JPH2: variants seen among roughly 807,000 people sequenced by gnomAD.
JPH2 encodes junctophilin 2, also known as junctophilin-2.
In JPH2, 38 loss-of-function variants were observed where a neutral mutation model predicts 55.9. The ratio of observed to expected loss-of-function variants is 0.68; its 90% confidence interval spans 0.52 to 0.89. JPH2 has a LOEUF of 0.89. Ranked by LOEUF, JPH2 falls within the 40% of genes least tolerant of loss-of-function variation. The pLI, the probability that JPH2 is intolerant of heterozygous loss-of-function variation, is 0.00. For synonymous variants in JPH2, 480 were observed against 472.4 expected (o/e 1.02, Z -0.21); for missense variants, 964 against 1,037.6 (o/e 0.93, Z 0.97).
At chr20:44,156,385 T>C (rs2072566706) in intron 2 of JPH2, among the ~76,000 whole-genome samples, 1 of 152,216 alleles carries the variant, frequency 6.6e-6, no homozygotes, top group African/African-American at 2.4e-5. Flanking sequence ...TAAAAAGTGC[T>C]CCCTTTTACT....
Position 44,159,633 on chromosome 20 carries a change from T to C in JPH2, c.1154A>G (p.Glu385Gly), listed in dbSNP as rs778090664. 2 of 1,603,994 alleles carry C rather than the reference T, an allele frequency of 1.2e-6. No individual in the cohort carries two copies. Among genetic ancestry groups the C allele is most frequent in the East Asian group, 4.5e-5 (2 of 44,852 alleles). Residue 385 changes from glutamate to glycine, a missense_variant, in exon 2 of 6, where the codon GAG (glutamate) becomes GGG (glycine). Glu to Gly is a moderately conservative substitution (Grantham distance 98, BLOSUM62 -2). Coordinates refer to ENST00000372980, the MANE Select transcript of JPH2 (RefSeq NM_020433.5). This position sits in a 1 kb window ranked among gnomAD's most constrained non-coding sequence, Gnocchi z 5.7. ...RAAAIARQKA[E>G]IAASRTSHAK... ...GCTGTCCTACCTGGAGGCGGCAATC[T>C]CGGCCTTCTGGCGCGCGATAGCAGC...
At chr20:44,162,788 A>ATG (rs2072623704) in intron 1 of JPH2, among the ~76,000 whole-genome samples, 2 of 40,624 alleles carry the variant, frequency 4.9e-5, no homozygotes, top group South Asian at 2.1e-3. Flanking sequence ...ATATATATAT[A>ATG]CACACACACA....
Position 44,159,603 on chromosome 20 carries a change from CCACCG to C in JPH2, c.1169+10_1169+14del. 3.1e-6 allele frequency: 5 copies of C among 1,595,622 alleles called. No individual in the cohort carries two copies. Among genetic ancestry groups the C allele is most frequent in the Non-Finnish European group, 4.2e-6 (5 of 1,177,594 alleles). On this transcript the variant is annotated intron_variant, in intron 2 of 5. Transcript: ENST00000372980. The surrounding 1 kb of genome is among the most constrained non-coding windows in gnomAD (Gnocchi z 5.7). ...GAGGGGAGGCGACCCCTTCCCACCCCCACCGCTGTCCTACCTGGAGGCGGCAATCT... is the reference window on the plus strand; with the variant it reads ...GAGGGGAGGCGACCCCTTCCCACCCCCTGTCCTACCTGGAGGCGGCAATCT...
intron 1 of JPH2, among the ~76,000 whole-genome samples, chr20:44,174,793 G>C (rs2072721434): frequency 6.6e-6 from 1 of 152,086 alleles, no homozygotes; most frequent in Non-Finnish European, 1.5e-5. Context: ...TTGAGCTCAG[G>C]AGTTCAAGAC....
chr20:44,127,229 T>G (rs2072283283), intron 2 of JPH2, among the ~76,000 whole-genome samples: 6 of 152,212 alleles, frequency 3.9e-5, no homozygotes. Context: ...TTAGGGTGCT[T>G]TCCACTTTTT....
In JPH2 at chr20:44,108,632, CAA is replaced by C. The variant is rs10630926; in HGVS notation, c.*4884_*4885del. ...TGGGTGACAGAATGAGACTCTGTCT[CAA>C]AAAAAAAAAAAAAGAAAAGAGGAAG... On this transcript the variant is annotated 3_prime_UTR_variant, in exon 6 of 6. Coordinates refer to ENST00000372980, the MANE Select transcript of JPH2 (RefSeq NM_020433.5). Among the ~76,000 whole-genome samples, 11 of 127,006 alleles carry C rather than the reference CAA, an allele frequency of 8.7e-5. No individual in the cohort carries two copies. Among genetic ancestry groups the C allele is most frequent in the Non-Finnish European group, 8.5e-5 (5 of 58,598 alleles). 83.3% of individuals were successfully genotyped at this position (127,006 alleles called of 152,430 possible).
At chr20:44,118,305 C>T (rs2072208170) in intron 3 of JPH2, among the ~76,000 whole-genome samples, 200 bp downstream of exon 3, 1 of 152,228 alleles carries the variant, frequency 6.6e-6, no homozygotes, top group Non-Finnish European at 1.5e-5. Flanking sequence ...CTGCCCTCCC[C>T]TCGAGCTCAG....
chr20:44,174,481 T>G (rs780587659), intron 1 of JPH2, among the ~76,000 whole-genome samples: 23 of 152,166 alleles, frequency 1.5e-4, no homozygotes, highest in Non-Finnish European at 3.2e-4. Flanking sequence ...TTTTAAAAAT[T>G]GCAAAAGTTG....
At position 44,115,713 on chromosome 20, in the gene JPH2, C is replaced by T. The variant is rs756543945; in HGVS notation, c.1962G>A (p.Ala654=). Residue 654 remains alanine (A), a synonymous_variant, in exon 4 of 6, where the codon GCG becomes GCA. Coordinates refer to ENST00000372980, the MANE Select transcript of JPH2 (RefSeq NM_020433.5). ...CTGCCGCCAGTGCGGCCTCCTTCCG[C>T]GCCTTCTTCTTGGCCCCCGCCTTGG... is the stretch of plus-strand genomic sequence containing the variant. ...GLTKAGAKKK[A]RKEAALAAEA... is the part of the protein sequence containing the mutation. 3.1e-6 allele frequency: 5 copies of T among 1,613,510 alleles called. No homozygotes were observed. Among genetic ancestry groups the T allele is most frequent in the South Asian group, 2.2e-5 (2 of 91,060 alleles).
chr20:44,114,857 A>C lies in JPH2; in HGVS notation c.2030T>G (p.Ile677Ser). ...EVEEVPNTIL[I>S]CMVILLNIGL... ...GATGTTCAGCAGGATCACCATGCAG[A>C]TGAGGATGGTGTTGGGGACCTGGGA... The change falls in exon 5 of 6, where the codon ATC becomes AGC. Residue 677 changes from isoleucine (I) to serine (S), a missense_variant. Physicochemically the swap from Ile to Ser is moderately radical, Grantham distance 142. Transcript: ENST00000372980. 1 of 1,605,862 alleles carries C rather than the reference A, an allele frequency of 6.2e-7. No individual in the cohort carries two copies. The highest frequency in any genetic ancestry group is 8.5e-7 in the Non-Finnish European group (1 of 1,176,898).
At chr20:44,151,334 T>C (rs1367314226) in intron 2 of JPH2, among the ~76,000 whole-genome samples, 1 of 152,072 alleles carries the variant, frequency 6.6e-6, no homozygotes, top group African/African-American at 2.4e-5. Flanking sequence ...CTGGCCAAAA[T>C]GGACAAACCC....
intron 2 of JPH2, among the ~76,000 whole-genome samples, chr20:44,148,781 C>T (rs538985030): frequency 1.5e-3 from 232 of 152,030 alleles, no homozygotes; most frequent in African/African-American, 2.2e-3. Context: ...AATCAACAAT[C>T]GGCCGGGCGT....
At chr20:44,167,473 A>G (rs1490855699) in intron 1 of JPH2, among the ~76,000 whole-genome samples, 5 of 152,174 alleles carry the variant, frequency 3.3e-5, no homozygotes, top group African/African-American at 1.2e-4. Flanking sequence ...GGTGCTCAGT[A>G]GTGGACAGCA....
chr20:44,116,165 C>T lies in JPH2; in HGVS notation c.1510G>A (p.Asp504Asn), dbSNP rs772671092. 1 of 1,415,556 alleles carries T rather than the reference C, an allele frequency of 7.1e-7. No homozygotes were observed. The highest frequency in any genetic ancestry group is 9.1e-7 in the Non-Finnish European group (1 of 1,095,518). The allele number at this position is 1,415,556 out of a possible 1,614,324, so 87.7% of individuals were successfully genotyped here. Reference protein sequence around the residue: ...PKRPRPGVSKDGLLSPGAWNG... With the variant: ...PKRPRPGVSKNGLLSPGAWNG... Reference sequence around the variant, plus strand: ...CAGGCGCCTGGGCTCAGCAGGCCGTCCTTGGACACCCCGGGCCTGGGCCGC... The same window carrying T: ...CAGGCGCCTGGGCTCAGCAGGCCGTTCTTGGACACCCCGGGCCTGGGCCGC... The change falls in exon 4 of 6, where the codon GAC (aspartate) becomes AAC (asparagine). Residue 504 changes from aspartate to asparagine, a missense_variant. Transcript: ENST00000372980.
At chr20:44,124,653 TA>T (rs558292729) in intron 2 of JPH2, among the ~76,000 whole-genome samples, 8 of 143,296 alleles carry the variant, frequency 5.6e-5, no homozygotes, top group Admixed American at 1.4e-4. Flanking sequence ...AACTCTATCT[TA>T]AAAAAAAAAG....
At chr20:44,178,062 C>T in intron 1 of JPH2, 1 of 780,828 alleles carries the variant, frequency 1.3e-6, no homozygotes, top group South Asian at 1.3e-5. Context: ...GGGATTTGAA[C>T]CCAGATCTGC....
chr20:44,136,683 T>C (rs1453570543), intron 2 of JPH2, among the ~76,000 whole-genome samples: 3 of 152,046 alleles, frequency 2.0e-5, no homozygotes, highest in African/African-American at 7.2e-5. Flanking sequence ...GATGGAAGCA[T>C]TAGTTACTAC....
intron 3 of JPH2, among the ~76,000 whole-genome samples, chr20:44,116,895 G>C (rs745649090): frequency 1.3e-5 from 2 of 152,208 alleles, no homozygotes; most frequent in Non-Finnish European, 2.9e-5. Context: ...ATAGGTTTTC[G>C]CTCCTAGGTT....
In JPH2 at chr20:44,134,041, T is replaced by TTATATATAAATATATATTTATTATAA. The variant is rs1294547640; in HGVS notation, c.1170-15419_1170-15418insTTATAATAAATATATATTTATATATA. Among the ~76,000 whole-genome samples the TTATATATAAATATATATTTATTATAA allele has an allele frequency of 1.7e-4, 2 of 11,780 alleles. 1 individual carries two copies. Among genetic ancestry groups the TTATATATAAATATATATTTATTATAA allele is most frequent in the African/African-American group, 7.7e-4 (2 of 2,614 alleles). The allele number at this position is 11,780 out of a possible 152,430, so 7.7% of individuals were successfully genotyped here. A position where few individuals can be genotyped will look rare whatever the true frequency, so the allele number is the denominator to read the frequency against. On this transcript the variant is annotated intron_variant, in intron 2 of 5. Coordinates refer to ENST00000372980, the MANE Select transcript of JPH2 (RefSeq NM_020433.5). ...ATAAATATATATAAATATATATTTA[T>TTATATATAAATATATATTTATTATAA]ATATAAATATATATTTATTATAAAT...
Sources: allele counts gnomAD v4.1 joint callset (sites outside exome capture counted in the v4.1 genomes callset), GRCh38; gene constraint gnomAD v4.1.1; non-coding constraint Gnocchi (gnomAD v3.1); transcripts MANE v1.5; gene names NCBI Gene and HGNC (gene_info 2026-07-23, HGNC 2026-07-21).